Variants in SPTLC2 observed in about 807,000 individuals in gnomAD.
The protein encoded by SPTLC2 is serine palmitoyltransferase long chain base subunit 2, also known as serine palmitoyltransferase 2.
In SPTLC2, 21 loss-of-function variants were observed where a neutral mutation model predicts 62.0. The observed-to-expected ratio is 0.34, with a 90% CI of 0.24 to 0.49. The LOEUF (loss-of-function observed/expected upper bound fraction) is 0.49. SPTLC2 is among the 20% of genes least tolerant of loss of function. The pLI is 0.99. For missense variants in SPTLC2, 511 were observed against 713.0 expected (o/e 0.72, Z 3.23); for synonymous variants, 261 against 261.8 (o/e 1.00, Z 0.03).
chr14:77,544,064 C>T (rs2079515676), intron 9 of SPTLC2, among the ~76,000 whole-genome samples: 1 of 152,130 alleles, frequency 6.6e-6, no homozygotes, highest in South Asian at 2.1e-4. Flanking sequence ...GTTTCCCTCT[C>T]TCATCCAAGC....
chr14:77,545,327 C>T (rs1253715982), intron 9 of SPTLC2, among the ~76,000 whole-genome samples: 6 of 151,060 alleles, frequency 4.0e-5, no homozygotes, highest in African/African-American at 7.3e-5. Context: ...AGTGCAATGG[C>T]GTGATCTCGG....
chr14:77,533,472 C>T (rs2079451870), intron 9 of SPTLC2, among the ~76,000 whole-genome samples: 1 of 152,126 alleles, frequency 6.6e-6, no homozygotes. Flanking sequence ...TTCTCAGGAC[C>T]TAACACCTTT....
intron 1 of SPTLC2, among the ~76,000 whole-genome samples, chr14:77,611,497 A>G (rs1208568325): frequency 6.6e-6 from 1 of 151,538 alleles, no homozygotes; most frequent in East Asian, 1.9e-4. Context: ...AATTAACGGA[A>G]AGTAGCAGAT....
At chr14:77,518,218 A>G in intron 10 of SPTLC2, 51 bp from the exon 11 acceptor site, 2 of 1,612,366 alleles carry the variant, frequency 1.2e-6, no homozygotes, top group Non-Finnish European at 1.7e-6. Flanking sequence ...AAAAGCACTC[A>G]TTACAGAGGA....
intron 9 of SPTLC2, among the ~76,000 whole-genome samples, chr14:77,542,188 A>AC (rs1463943425): frequency 5.3e-5 from 8 of 152,154 alleles, no homozygotes; most frequent in Non-Finnish European, 1.0e-4. Flanking sequence ...CAGTGAAGAT[A>AC]TTTTTAAAAA....
At position 77,597,393 on chromosome 14, in the gene SPTLC2, T is replaced by C. The variant is rs762952400; in HGVS notation, c.133-13A>G. On this transcript the variant is annotated splice_polypyrimidine_tract_variant and intron_variant, in intron 1 of 11. Transcript: ENST00000216484. ...TAACATGATGGATCTAAAAGAGAGGTTAAAAATGTTTATTTCCATCATGGC... is the reference window on the plus strand; with the variant it reads ...TAACATGATGGATCTAAAAGAGAGGCTAAAAATGTTTATTTCCATCATGGC... 6.2e-6 allele frequency: 10 copies of C among 1,607,058 alleles called. No homozygotes were observed. Among genetic ancestry groups the C allele is most frequent in the African/African-American group, 1.3e-5 (1 of 74,728 alleles).
chr14:77,605,977 C>T (rs1237581817), intron 1 of SPTLC2, among the ~76,000 whole-genome samples: 1 of 152,204 alleles, frequency 6.6e-6, no homozygotes, highest in African/African-American at 2.4e-5. Context: ...CCTAAGACTG[C>T]AAAATGCAAA....
At chr14:77,552,293 C>T in intron 8 of SPTLC2, 71 bp from the exon 9 acceptor site, 3 of 1,574,708 alleles carry the variant, frequency 1.9e-6, no homozygotes, top group Non-Finnish European at 2.6e-6. Context: ...TCCTTTCCTT[C>T]TAAGTTCTAG....
chr14:77,540,284 T>C (rs1475178737), intron 9 of SPTLC2, among the ~76,000 whole-genome samples: 3 of 148,250 alleles, frequency 2.0e-5, no homozygotes, highest in African/African-American at 7.5e-5. Flanking sequence ...AAAGGAATAA[T>C]ATGCCTTAAA....
At position 77,508,904 on chromosome 14, in the gene SPTLC2, T is replaced by C. The variant is rs1462623596; in HGVS notation, c.*3380A>G. The C allele has an allele frequency of 6.6e-6, 1 of 152,008 alleles. No homozygotes were observed. The highest frequency in any genetic ancestry group is 1.5e-5 in the Non-Finnish European group (1 of 68,012). The allele number at this position is 152,008 out of a possible 1,614,324, so 9.4% of individuals were successfully genotyped here. A position where few individuals can be genotyped will look rare whatever the true frequency, so the allele number is the denominator to read the frequency against. On this transcript the variant is annotated 3_prime_UTR_variant, in exon 12 of 12. Transcript: ENST00000216484. ...CACCATATATTGGTTTTCTCTAGAG[T>C]TGGAATTTTAAAAATCAAGAACTTG...
At chr14:77,557,272 G>A (rs2079589625) in intron 6 of SPTLC2, 126 bp from the exon 7 acceptor site, 1 of 866,002 alleles carries the variant, frequency 1.2e-6, no homozygotes, top group Non-Finnish European at 1.8e-6. Flanking sequence ...AATTAGAGTT[G>A]GGCAGAAAAA....
intron 9 of SPTLC2, among the ~76,000 whole-genome samples, chr14:77,531,466 TCCTCCTCCCCCTCCCCCTC>T: frequency 8.0e-6 from 1 of 124,584 alleles, no homozygotes. Flanking sequence ...CTCCTCCTCC[TCCTCCTCCCCCTCCCCCTC>T]CTCCTCCTCC....
intron 2 of SPTLC2, among the ~76,000 whole-genome samples, chr14:77,587,954 A>C (rs1158721042): frequency 3.3e-5 from 5 of 152,088 alleles, no homozygotes; most frequent in South Asian, 4.1e-4. Flanking sequence ...TTATTGTTAG[A>C]AACAGTGTCT....
intron 5 of SPTLC2, among the ~76,000 whole-genome samples, chr14:77,566,425 G>A (rs2079645206): frequency 6.6e-6 from 1 of 152,142 alleles, no homozygotes; most frequent in South Asian, 2.1e-4. Context: ...TACATATGAG[G>A]ACACTCTTGT....
chr14:77,533,036 G>C (rs923863718), intron 9 of SPTLC2, among the ~76,000 whole-genome samples: 1 of 151,874 alleles, frequency 6.6e-6, no homozygotes, highest in African/African-American at 2.4e-5. Flanking sequence ...AGTGGCTCAC[G>C]CCTGTAATCC....
At position 77,570,400 on chromosome 14, in the gene SPTLC2, G is replaced by A; in HGVS notation, c.740C>T (p.Pro247Leu). 1 of 1,613,530 alleles carries A rather than the reference G, an allele frequency of 6.2e-7. No homozygotes were observed. Among genetic ancestry groups the A allele is most frequent in the Non-Finnish European group, 8.5e-7 (1 of 1,179,980 alleles). Residue 247 changes from proline (P) to leucine (L), a missense_variant, in exon 5 of 12, where the codon CCT (proline) becomes CTT (leucine). Pro to Leu is a moderately conservative substitution (Grantham distance 98). Transcript: ENST00000216484. ...GTATCTTACTTTGCCAACAAGAGCAGGAATGTTCATTGAATTCGTTGCAAA... is the reference window on the plus strand; with the variant it reads ...GTATCTTACTTTGCCAACAAGAGCAAGAATGTTCATTGAATTCGTTGCAAA... ...MGFATNSMNI[P>L]ALVGKGCLIL...
chr14:77,576,194 C>T (rs977587719), intron 4 of SPTLC2, among the ~76,000 whole-genome samples: 5 of 152,170 alleles, frequency 3.3e-5, no homozygotes, highest in Non-Finnish European at 7.4e-5. Flanking sequence ...TTCTCTGAAT[C>T]AAATTGGAAC....
chr14:77,565,575 AC>A (rs1206082507), intron 5 of SPTLC2, among the ~76,000 whole-genome samples: 1 of 152,202 alleles, frequency 6.6e-6, no homozygotes, highest in Non-Finnish European at 1.5e-5. Flanking sequence ...AACCATAACA[AC>A]ACAACAGACA....
intron 1 of SPTLC2, among the ~76,000 whole-genome samples, chr14:77,603,143 A>G (rs893522641): frequency 7.2e-5 from 11 of 152,240 alleles, no homozygotes; most frequent in African/African-American, 2.7e-4. Flanking sequence ...AGAAGCACAC[A>G]TTTCTGATAT....
Sources: allele counts gnomAD v4.1 joint callset (sites outside exome capture counted in the v4.1 genomes callset), GRCh38; gene constraint gnomAD v4.1.1; transcripts MANE v1.5; gene names NCBI Gene and HGNC (gene_info 2026-07-23, HGNC 2026-07-21).